The following CACNA1A variants were observed in gnomAD, a reference collection of about 807,000 sequenced individuals.
CACNA1A encodes the protein calcium voltage-gated channel subunit alpha1 A, also known as voltage-dependent P/Q-type calcium channel subunit alpha-1A.
A neutral mutation model predicts 262.4 loss-of-function variants in CACNA1A; 57 were observed. The ratio of observed to expected loss-of-function variants is 0.22; its 90% CI spans 0.18 to 0.27. The LOEUF (loss-of-function observed/expected upper bound fraction) is 0.27, where lower values mean the gene tolerates loss of function less well. Ranked by LOEUF, CACNA1A falls within the 10% of genes least tolerant of loss-of-function variation. The pLI is 1.00. For synonymous variants in CACNA1A, 1,431 were observed against 1,419.3 expected (o/e 1.01, Z -0.18); for missense variants, 2,526 against 3,562.8 (o/e 0.71, Z 7.41).
chr19:13,269,438 A>C (rs1293377684), intron 24 of CACNA1A, among the ~76,000 whole-genome samples: 1 of 152,238 alleles, frequency 6.6e-6, no homozygotes, highest in Non-Finnish European at 1.5e-5. Flanking sequence ...CACAAGAAAA[A>C]TAATGCCTTC....
intron 3 of CACNA1A, among the ~76,000 whole-genome samples, chr19:13,419,723 T>A (rs895119706): frequency 6.6e-6 from 1 of 152,012 alleles, no homozygotes; most frequent in African/African-American, 2.4e-5. Context: ...AAACAAGATC[T>A]GTAGATTTTG....
intron 1 of CACNA1A, among the ~76,000 whole-genome samples, chr19:13,489,203 G>A (rs1980458244): frequency 6.6e-6 from 1 of 150,962 alleles, no homozygotes; most frequent in Middle Eastern, 3.2e-3. Flanking sequence ...GTAGAGATGG[G>A]GTTTCACCAT....
intron 21 of CACNA1A, 48 bp from the exon 22 acceptor site, chr19:13,283,444 C>A (rs775612478): frequency 6.2e-7 from 1 of 1,611,192 alleles, no homozygotes; most frequent in South Asian, 1.1e-5. Context: ...ACCACAGGCT[C>A]ACAAACCCTT....
chr19:13,227,070 G>C (rs989905467), intron 37 of CACNA1A: 1 of 157,204 alleles, frequency 6.4e-6, no homozygotes, highest in African/African-American at 2.4e-5. Context: ...GCAGAAGTGG[G>C]AAGCATGGGT....
intron 2 of CACNA1A, among the ~76,000 whole-genome samples, 199 bp from the exon 3 acceptor site, chr19:13,453,214 A>G (rs1014130895): frequency 6.6e-6 from 1 of 152,208 alleles, no homozygotes; most frequent in Non-Finnish European, 1.5e-5. Context: ...TAGAGAAGGC[A>G]CCTTCCTCCT....
At chr19:13,257,668 G>A (rs2144749421) in intron 27 of CACNA1A, 117 bp from the exon 28 acceptor site, 1 of 533,322 alleles carries the variant, frequency 1.9e-6, no homozygotes, top group Non-Finnish European at 3.3e-6. Context: ...GGAACAGAGG[G>A]AAATGAAAAA....
Position 13,207,223 on chromosome 19 carries a change from G to C in CACNA1A, c.*90C>G. The C allele has an allele frequency of 7.4e-7, 1 of 1,342,518 alleles. No homozygotes were observed. The highest frequency in any genetic ancestry group is 9.7e-7 in the Non-Finnish European group (1 of 1,031,750). The allele number at this position is 1,342,518 out of a possible 1,614,324, so 83.2% of individuals were successfully genotyped here. On this transcript the variant is annotated 3_prime_UTR_variant, in exon 47 of 47. Coordinates refer to ENST00000360228, the MANE Select transcript of CACNA1A (RefSeq NM_001127222.2). The surrounding 1 kb of genome is among the most constrained non-coding windows in gnomAD (Gnocchi z 5.7). ...GCTGGCCCTCTCCCGGGCCCTCTGT[G>C]CTGGGCCCCCGCGGCCTCTGCGCGG... is the stretch of plus-strand genomic sequence containing the variant.
At position 13,493,009 on chromosome 19, in the gene CACNA1A, A is replaced by G. The variant is rs147249501; in HGVS notation, c.293+12923T>C. Among the ~76,000 whole-genome samples the G allele has an allele frequency of 5.8e-4, 88 of 152,274 alleles. 1 individual carries two copies. Among genetic ancestry groups the G allele is most frequent in the Middle Eastern group, 3.4e-3 (1 of 294 alleles). The stretch of plus-strand genomic sequence containing the variant: ...AGGAGACCAAAGAAAGTAAGGCACG[A>G]TTTTCAAACAGGGCAACAGAAGGGG... On this transcript the variant is annotated intron_variant, in intron 1 of 46. Transcript: ENST00000360228.
At chr19:13,218,876 T>A (rs2055115341) in intron 38 of CACNA1A, among the ~76,000 whole-genome samples, 1 of 152,086 alleles carries the variant, frequency 6.6e-6, no homozygotes, top group African/African-American at 2.4e-5. Context: ...TAGTTGGGAT[T>A]ACAGGGGTCT....
chr19:13,291,758 G>C (rs1224073114), intron 19 of CACNA1A, among the ~76,000 whole-genome samples: 1 of 151,944 alleles, frequency 6.6e-6, no homozygotes, highest in Non-Finnish European at 1.5e-5. Flanking sequence ...AGTGAGCTAT[G>C]ATTGTGCCAC....
At chr19:13,280,992 T>C (rs1476911505) in intron 22 of CACNA1A, among the ~76,000 whole-genome samples, 14 of 151,144 alleles carry the variant, frequency 9.3e-5, no homozygotes, top group Admixed American at 9.2e-4. Context: ...AAGCAACATG[T>C]ACTCATTTAA....
chr19:13,332,984 A>T, intron 8 of CACNA1A, 59 bp from the exon 9 acceptor site: 1 of 1,371,692 alleles, frequency 7.3e-7, no homozygotes, highest in Non-Finnish European at 1.0e-6. Flanking sequence ...TCTCCCTTGG[A>T]CCAGGAAGAA....
chr19:13,248,625 C>T (rs1336206105), intron 30 of CACNA1A, among the ~76,000 whole-genome samples: 1 of 152,012 alleles, frequency 6.6e-6, no homozygotes, highest in Non-Finnish European at 1.5e-5. Flanking sequence ...GGCGGATCAC[C>T]TGAGGTCAGG....
At position 13,453,867 on chromosome 19, in the gene CACNA1A, A is replaced by G. The variant is rs534014925; in HGVS notation, c.400-852T>C. On this transcript the variant is annotated intron_variant, in intron 2 of 46. Transcript: ENST00000360228. ...CTTCTACTTGCTTACCAGTCTTTCA[A>G]TGGACGCTTTTTATTTAGCTTTATT... Among the ~76,000 whole-genome samples, 119 of 152,174 alleles carry G rather than the reference A, an allele frequency of 7.8e-4. 1 individual carries two copies. The South Asian group carries it at 0.024, about 31-fold the overall frequency.
At chr19:13,348,596 G>A (rs1316980835) in intron 6 of CACNA1A, among the ~76,000 whole-genome samples, 1 of 152,220 alleles carries the variant, frequency 6.6e-6, no homozygotes, top group Non-Finnish European at 1.5e-5. Flanking sequence ...CCGGCACTTT[G>A]GGAGGCCAAG....
At chr19:13,384,919 AGAG>A (rs756487275) in intron 3 of CACNA1A, among the ~76,000 whole-genome samples, 2 of 152,064 alleles carry the variant, frequency 1.3e-5, no homozygotes, top group East Asian at 1.9e-4. Context: ...CCTGGGTAGG[AGAG>A]GAGATTTTCA....
At chr19:13,208,147 A>T in intron 46 of CACNA1A, 94 bp from the exon 47 acceptor site, 2 of 301,068 alleles carry the variant, frequency 6.6e-6, no homozygotes, top group Non-Finnish European at 9.1e-6. Flanking sequence ...GAGCGAAGGG[A>T]GAGGGGCCGG....
chr19:13,264,721 G>C (rs890148050), intron 24 of CACNA1A, among the ~76,000 whole-genome samples: 8 of 152,188 alleles, frequency 5.3e-5, no homozygotes, highest in African/African-American at 1.9e-4. Flanking sequence ...CCCTCCGACA[G>C]CATTTCCTGA....
intron 34 of CACNA1A, 31 bp from the exon 35 acceptor site, chr19:13,231,891 C>T (rs747428223): frequency 6.2e-7 from 1 of 1,600,192 alleles, no homozygotes; most frequent in Non-Finnish European, 8.5e-7. Flanking sequence ...GAGACTCGGA[C>T]ACCCAGCCCT....
Sources: gnomAD v4.1 joint callset for allele counts (sites outside exome capture counted in the v4.1 genomes callset) on GRCh38, gnomAD v4.1.1 for gene constraint, Gnocchi (gnomAD v3.1) non-coding constraint, MANE v1.5 for transcripts, NCBI Gene and HGNC (gene_info 2026-07-23, HGNC 2026-07-21) for gene names.